The following DEPDC1B variants were observed in gnomAD, a reference collection of about 807,000 sequenced individuals.
DEPDC1B encodes the protein DEP domain containing 1B.
DEPDC1B carries 51 observed loss-of-function variants against 66.5 expected under a neutral mutation model. The observed-to-expected ratio is 0.77, with a 90% CI of 0.61 to 0.97. The LOEUF is 0.97. Among genes scored for constraint, DEPDC1B ranks in the 50% least tolerant of loss-of-function variants. DEPDC1B has a pLI of 0.00. For missense variants in DEPDC1B, 552 were observed against 637.1 expected (o/e 0.87, Z 1.44); for synonymous variants, 226 against 223.6 (o/e 1.01, Z -0.10).
At chr5:60,662,445 T>A (rs921018874) in intron 2 of DEPDC1B, among the ~76,000 whole-genome samples, 2 of 151,796 alleles carry the variant, frequency 1.3e-5, no homozygotes, top group African/African-American at 4.8e-5. Context: ...AGAAACCCCA[T>A]TGAACTTGGC....
In DEPDC1B at chr5:60,700,046, C is replaced by T; in HGVS notation, c.48G>A (p.Leu16=). Residue 16 remains leucine, a splice_region_variant and synonymous_variant, in exon 1 of 11, where the codon CTG becomes CTA. Coordinates refer to ENST00000265036, the MANE Select transcript of DEPDC1B (RefSeq NM_018369.3). The stretch of plus-strand genomic sequence containing the variant: ...CCCAGGCCCCAGCACACTCACTCAC[C>T]AGCCTGGTAGCTCGGTACGGCCCGG... ...VGPGPYRATR[L]WNETVELFRA... is the part of the protein sequence containing the mutation. 1 of 1,557,354 alleles carries T rather than the reference C, an allele frequency of 6.4e-7. No homozygotes were observed. Among genetic ancestry groups the T allele is most frequent in the Admixed American group, 1.9e-5 (1 of 52,018 alleles).
Position 60,618,167 on chromosome 5 carries a change from A to T in DEPDC1B, c.899-12311T>A, listed in dbSNP as rs181550183. On this transcript the variant is annotated intron_variant, in intron 7 of 10. Coordinates refer to ENST00000265036, the MANE Select transcript of DEPDC1B (RefSeq NM_018369.3). Reference sequence around the variant, plus strand: ...TGTAGTGGGAAATTTATTGCACTGAATGTCCACAAGAGAAAGCAGGAAAGA... The same window carrying T: ...TGTAGTGGGAAATTTATTGCACTGATTGTCCACAAGAGAAAGCAGGAAAGA... 8.7e-5 allele frequency among the ~76,000 whole-genome samples: 13 copies of T among 148,698 alleles called. No individual in the cohort carries two copies. In the Admixed American group the frequency reaches 8.8e-4, roughly 10 times the overall value.
At chr5:60,650,613 A>T (rs535211245) in intron 2 of DEPDC1B, among the ~76,000 whole-genome samples, 132 of 152,092 alleles carry the variant, frequency 8.7e-4, no homozygotes, top group African/African-American at 3.1e-3. Context: ...AATACACACT[A>T]CTCTTTAGAA....
chr5:60,612,119 C>T (rs1000299168), intron 7 of DEPDC1B, among the ~76,000 whole-genome samples: 1 of 151,998 alleles, frequency 6.6e-6, no homozygotes, highest in Non-Finnish European at 1.5e-5. Flanking sequence ...ATCCTAGGGC[C>T]CTTAAGAATT....
At chr5:60,605,569 C>A (rs59986728) in intron 8 of DEPDC1B, 121 bp downstream of exon 8, 1 of 1,069,016 alleles carries the variant, frequency 9.4e-7, no homozygotes, top group South Asian at 1.9e-5. Flanking sequence ...TGGGTGGACA[C>A]TGACTGTGGC....
At chr5:60,674,713 C>G (rs967216597) in intron 2 of DEPDC1B, among the ~76,000 whole-genome samples, 6 of 152,196 alleles carry the variant, frequency 3.9e-5, no homozygotes, top group Non-Finnish European at 8.8e-5. Flanking sequence ...GCTCACTCTA[C>G]AGCCATTGCT....
At chr5:60,646,576 A>G (rs1470606563) in intron 3 of DEPDC1B, among the ~76,000 whole-genome samples, 1 of 152,200 alleles carries the variant, frequency 6.6e-6, no homozygotes, top group Non-Finnish European at 1.5e-5. Flanking sequence ...ATTCAGAGGA[A>G]AAAAATGGAT....
chr5:60,660,344 A>G (rs1753685570), intron 2 of DEPDC1B, among the ~76,000 whole-genome samples: 1 of 148,290 alleles, frequency 6.7e-6, no homozygotes, highest in Admixed American at 6.7e-5. Flanking sequence ...GAGAGAAAGA[A>G]AAGAAGTAGT....
chr5:60,696,865 C>T (rs1754666952), intron 1 of DEPDC1B, among the ~76,000 whole-genome samples: 1 of 149,750 alleles, frequency 6.7e-6, no homozygotes, highest in Non-Finnish European at 1.5e-5. Context: ...CTTCTTAGTA[C>T]CAAAAATATT....
chr5:60,636,679 T>G (rs544527491), intron 7 of DEPDC1B, among the ~76,000 whole-genome samples: 2 of 152,174 alleles, frequency 1.3e-5, no homozygotes, highest in Non-Finnish European at 2.9e-5. Context: ...CTAGAAGGCC[T>G]TCTTCTTTCT....
intron 7 of DEPDC1B, chr5:60,630,941 C>T (rs1237299801): frequency 6.1e-6 from 1 of 163,770 alleles, no homozygotes; most frequent in Non-Finnish European, 1.5e-5. Context: ...CTACAAAGAA[C>T]ATTTTGTGGT....
In DEPDC1B at chr5:60,601,199, G is replaced by A. The variant is rs545316957; in HGVS notation, c.1243-1939C>T. Among the ~76,000 whole-genome samples, 6 of 152,300 alleles carry A rather than the reference G, an allele frequency of 3.9e-5. No individual in the cohort carries two copies. The East Asian group carries it at 9.6e-4, about 24-fold the overall frequency. On this transcript the variant is annotated intron_variant, in intron 9 of 10. Transcript: ENST00000265036. ...TTGGGTATGTCTTTATTAGCAGCAT[G>A]AGAGCAGACTAATACACTGCTATAA...
chr5:60,677,326 ACTCTCTCTCTCT>A lies in DEPDC1B; in HGVS notation c.314+9624_314+9635del, dbSNP rs70975391. The stretch of plus-strand genomic sequence containing the variant: ...CACACACACACACACACACACACAC[ACTCTCTCTCTCT>A]CTCTCTCTCTCTCTCTCTCTCTCTC... On this transcript the variant is annotated intron_variant, in intron 2 of 10. Transcript: ENST00000265036. Among the ~76,000 whole-genome samples, 63 of 108,550 alleles carry A rather than the reference ACTCTCTCTCTCT, an allele frequency of 5.8e-4. 1 individual carries two copies. Among genetic ancestry groups the A allele is most frequent in the Middle Eastern group, 5.1e-3 (1 of 196 alleles). 71.2% of individuals were successfully genotyped at this position (108,550 alleles called of 152,430 possible). A position where few individuals can be genotyped will look rare whatever the true frequency, so the allele number is the denominator to read the frequency against.
chr5:60,686,881 A>G, intron 2 of DEPDC1B, 81 bp downstream of exon 2: 6 of 1,539,580 alleles, frequency 3.9e-6, no homozygotes, highest in Admixed American at 3.5e-5. Context: ...ATTCTTACAC[A>G]TCAGGAAGCT....
intron 7 of DEPDC1B, among the ~76,000 whole-genome samples, chr5:60,619,907 C>A (rs546718152): frequency 0.019 from 2,961 of 152,086 alleles, 110 homozygotes; most frequent in African/African-American, 0.066. Context: ...AGGCTACAGT[C>A]ACCAAAACAG....
chr5:60,662,111 G>A (rs1017338535), intron 2 of DEPDC1B, among the ~76,000 whole-genome samples: 2 of 151,986 alleles, frequency 1.3e-5, no homozygotes, highest in African/African-American at 2.4e-5. Flanking sequence ...ACTTCAGGCC[G>A]GGCATGGTGA....
At chr5:60,613,843 A>T (rs1178927319) in intron 7 of DEPDC1B, among the ~76,000 whole-genome samples, 1 of 135,478 alleles carries the variant, frequency 7.4e-6, no homozygotes, top group African/African-American at 2.9e-5. Context: ...CATAAAAAAC[A>T]GATGTAGGGT....
intron 1 of DEPDC1B, among the ~76,000 whole-genome samples, chr5:60,697,340 T>C (rs1754680192): frequency 6.6e-6 from 1 of 152,070 alleles, no homozygotes; most frequent in Admixed American, 6.5e-5. Context: ...AAGTGAGCCA[T>C]GAAAGGAGAA....
At chr5:60,622,754 G>A (rs1048622693) in intron 7 of DEPDC1B, among the ~76,000 whole-genome samples, 4 of 152,034 alleles carry the variant, frequency 2.6e-5, no homozygotes, top group African/African-American at 9.7e-5. Context: ...ATCTCATTGT[G>A]GTTTTAATCT....
Sources: allele counts gnomAD v4.1 joint callset (sites outside exome capture counted in the v4.1 genomes callset), GRCh38; gene constraint gnomAD v4.1.1; transcripts MANE v1.5; gene names NCBI Gene and HGNC (gene_info 2026-07-23, HGNC 2026-07-21).